The following SIRT3 variants were observed in gnomAD, a reference collection of about 807,000 sequenced individuals.
The protein encoded by SIRT3 is sirtuin 3, also known as NAD-dependent protein deacetylase sirtuin-3, mitochondrial.
A neutral mutation model predicts 33.5 loss-of-function variants in SIRT3; 26 were observed. The ratio of observed to expected loss-of-function variants is 0.78; its 90% CI spans 0.57 to 1.08. SIRT3 has a LOEUF of 1.08. Among genes scored for constraint, SIRT3 ranks in the 50% least tolerant of loss-of-function variants. The pLI is 0.00. For missense variants in SIRT3, 585 were observed against 530.1 expected, an observed-to-expected ratio of 1.10 and a Z score of -1.02; for synonymous variants, 237 against 222.1, an observed-to-expected ratio of 1.07 and a Z score of -0.60.
chr11:235,740 ATATACT>A (rs571805196), intron 1 of SIRT3, among the ~76,000 whole-genome samples: 3 of 152,334 alleles, frequency 2.0e-5, no homozygotes, highest in Admixed American at 2.0e-4. Context: ...CGTTAAATGC[ATATACT>A]TTTGGACCTA....
chr11:224,163 C>T lies in SIRT3; in HGVS notation c.884G>A (p.Gly295Glu), dbSNP rs1564808477. 3 of 1,614,210 alleles carry T rather than the reference C, an allele frequency of 1.9e-6. No individual in the cohort carries two copies. The highest frequency in any genetic ancestry group is 1.1e-5 in the South Asian group (1 of 91,082). The change falls in exon 5 of 7, where the codon GGG becomes GAG. Residue 295 changes from glycine to glutamate, a missense_variant. Gly to Glu is a moderately conservative substitution (Grantham distance 98). Transcript: ENST00000382743. ...CAAGAACCTCTGGGGCAGCGGCTCC[C>T]CAAAGAACACAATGTCGGGCTTCAC... ...GVVKPDIVFF[G>E]EPLPQRFLLH... is the part of the protein sequence containing the mutation.
rs920634667 is a variant in SIRT3 at position 216,335 on chromosome 11, T to C, written c.*363A>G. 8.3e-6 allele frequency: 2 copies of C among 239,866 alleles called. No homozygotes were observed. Among genetic ancestry groups the C allele is most frequent in the Non-Finnish European group, 8.1e-6 (1 of 123,340 alleles). 14.9% of individuals were successfully genotyped at this position (239,866 alleles called of 1,614,324 possible). On this transcript the variant is annotated 3_prime_UTR_variant, in exon 7 of 7. Coordinates refer to ENST00000382743, the MANE Select transcript of SIRT3 (RefSeq NM_012239.6). ...AACCAACAGATGCCGAGCTTGCCGTTCAACTAGGCACAGAAAGCAGACTCG... is the reference window on the plus strand; with the variant it reads ...AACCAACAGATGCCGAGCTTGCCGTCCAACTAGGCACAGAAAGCAGACTCG...
intron 4 of SIRT3, among the ~76,000 whole-genome samples, chr11:226,978 C>G (rs1857266339): frequency 6.6e-6 from 1 of 151,446 alleles, no homozygotes; most frequent in Non-Finnish European, 1.5e-5. Context: ...GTCTCAAACT[C>G]CTGACCTCAG....
chr11:233,102 G>A lies in SIRT3; in HGVS notation c.587C>T (p.Ala196Val), dbSNP rs1311112391. The change falls in exon 3 of 7, where the codon GCC becomes GTC. Residue 196 changes from alanine to valine, a missense_variant. Coordinates refer to ENST00000382743, the MANE Select transcript of SIRT3 (RefSeq NM_012239.6). The stretch of plus-strand genomic sequence containing the variant: ...GTAGTTTCCAGGGTACAGCTCCTTG[G>A]CCAAAGTGAAAAAGGGCTTGGGGTT... The part of the protein sequence containing the change: ...FHNPKPFFTL[A>V]KELYPGNYKP... The A allele has an allele frequency of 6.2e-7, 1 of 1,614,142 alleles. No individual in the cohort carries two copies. Among genetic ancestry groups the A allele is most frequent in the Non-Finnish European group, 8.5e-7 (1 of 1,180,040 alleles).
intron 1 of SIRT3, 50 bp downstream of exon 1, chr11:235,998 G>C (rs201101128): frequency 2.6e-5 from 36 of 1,411,408 alleles, no homozygotes; most frequent in Non-Finnish European, 3.3e-5. Context: ...AAGAGTGGGC[G>C]AGGTGTCGAC....
chr11:236,344 A>G, upstream of SIRT3: 1 of 1,349,824 alleles, frequency 7.4e-7, no homozygotes, highest in Non-Finnish European at 9.5e-7. Flanking sequence ...GCGCAGTCCA[A>G]GGAGTCCTCC....
intron 3 of SIRT3, among the ~76,000 whole-genome samples, chr11:232,280 G>A (rs565058917): frequency 6.6e-6 from 1 of 151,878 alleles, no homozygotes; most frequent in South Asian, 2.1e-4. Flanking sequence ...ACCACGCCTG[G>A]CTAATTTTTT....
chr11:230,388 AC>A, intron 4 of SIRT3, 63 bp downstream of exon 4: 1 of 919,586 alleles, frequency 1.1e-6, no homozygotes, highest in South Asian at 2.9e-5. Flanking sequence ...CTTATAAAAT[AC>A]CACTTTTCCA....
intron 1 of SIRT3, among the ~76,000 whole-genome samples, chr11:234,482 T>C (rs1352592468): frequency 3.9e-5 from 6 of 152,162 alleles, no homozygotes; most frequent in Non-Finnish European, 7.3e-5. Flanking sequence ...TGTCGCGATC[T>C]CGGCTCACTG....
Position 223,619 on chromosome 11 carries a change from C to T in SIRT3, c.969+459G>A, listed in dbSNP as rs1856728801. 2.1e-6 allele frequency: 1 copy of T among 476,894 alleles called. No individual in the cohort carries two copies. The allele number at this position is 476,894 out of a possible 1,614,324, so 29.5% of individuals were successfully genotyped here. On this transcript the variant is annotated intron_variant, in intron 5 of 6. Transcript: ENST00000382743. This position sits in a 1 kb window ranked among gnomAD's most constrained non-coding sequence, Gnocchi z 4.8. ...TGCCCCTCCACCTCGCCCCCACACC[C>T]CCATCCTTCTCCCTTCTCCTCACAC...
chr11:224,629 C>G (rs149918151), intron 4 of SIRT3, among the ~76,000 whole-genome samples: 83 of 152,288 alleles, frequency 5.5e-4, no homozygotes, highest in Non-Finnish European at 7.6e-4. Context: ...TGGCCTACAC[C>G]GAACACTATT....
chr11:233,227 G>C lies in SIRT3; in HGVS notation c.474-12C>G. The C allele has an allele frequency of 6.2e-7, 1 of 1,611,540 alleles. No homozygotes were observed. Among genetic ancestry groups the C allele is most frequent in the Non-Finnish European group, 8.5e-7 (1 of 1,178,278 alleles). Reference sequence around the variant, plus strand: ...CACTCCCCGGCGATCTGCAGGGAGAGAAGAAAGGCTCTGAGGCCTTTGGAA... The same window carrying C: ...CACTCCCCGGCGATCTGCAGGGAGACAAGAAAGGCTCTGAGGCCTTTGGAA... On this transcript the variant is annotated splice_polypyrimidine_tract_variant and intron_variant, in intron 2 of 6. Transcript: ENST00000382743.
intron 3 of SIRT3, among the ~76,000 whole-genome samples, chr11:232,060 C>T (rs1195863340): frequency 6.6e-6 from 1 of 152,028 alleles, no homozygotes; most frequent in African/African-American, 2.4e-5. Flanking sequence ...TAAGGAATTA[C>T]TAGTGATTCT....
At chr11:235,928 C>T (rs1370818353) in intron 1 of SIRT3, 120 bp downstream of exon 1, 7 of 1,116,760 alleles carry the variant, frequency 6.3e-6, no homozygotes, top group East Asian at 2.9e-5. Flanking sequence ...ACGGAGGCCC[C>T]GGTGTTGGAA....
rs938492119 is a variant in SIRT3 at position 223,100 on chromosome 11, G to C, written c.969+978C>G. On this transcript the variant is annotated intron_variant, in intron 5 of 6. Transcript: ENST00000382743. The surrounding 1 kb of genome is among the most constrained non-coding windows in gnomAD (Gnocchi z 4.8). Reference sequence around the variant, plus strand: ...GCTGCCCTGGGCCCCTCTGAGCACAGGTCTTTCTGGCCCTTCTGTCCTCGG... The same window carrying C: ...GCTGCCCTGGGCCCCTCTGAGCACACGTCTTTCTGGCCCTTCTGTCCTCGG... 3.3e-5 allele frequency: 5 copies of C among 153,650 alleles called. No homozygotes were observed. Among genetic ancestry groups the C allele is most frequent in the Non-Finnish European group, 1.4e-5 (1 of 69,194 alleles). 9.5% of individuals were successfully genotyped at this position (153,650 alleles called of 1,614,324 possible).
At position 229,439 on chromosome 11, in the gene SIRT3, C is replaced by T. The variant is rs117629395; in HGVS notation, c.807+1013G>A. On this transcript the variant is annotated intron_variant, in intron 4 of 6. Transcript: ENST00000382743. ...CAGCCTGGTGATAAGAGCTAGACTC[C>T]GTCTCAAAACAAACAAACAAAAAAG... Among the ~76,000 whole-genome samples, 1,105 of 148,004 alleles carry T rather than the reference C, an allele frequency of 7.5e-3. 19 individuals are homozygous for T. The East Asian group carries it at 0.078, about 10-fold the overall frequency.
intron 1 of SIRT3, chr11:234,037 A>G (rs901127824): frequency 6.5e-6 from 1 of 153,210 alleles, no homozygotes; most frequent in Non-Finnish European, 1.5e-5. Context: ...AATGAAAGTT[A>G]TTATTGCTGT....
At chr11:236,468 C>T, upstream of SIRT3, 1 of 450,984 alleles carries the variant, frequency 2.2e-6, no homozygotes, top group Non-Finnish European at 2.9e-6. Flanking sequence ...GGTCCCGCCT[C>T]CGCGCCCCGC....
chr11:225,282 C>T (rs963271513), intron 4 of SIRT3, among the ~76,000 whole-genome samples: 5 of 151,958 alleles, frequency 3.3e-5, no homozygotes, highest in African/African-American at 9.7e-5. Flanking sequence ...CGTGGTGATG[C>T]GTGCCTGTAA....
Sources: gnomAD v4.1 joint callset for allele counts (sites outside exome capture counted in the v4.1 genomes callset) on GRCh38, gnomAD v4.1.1 for gene constraint, Gnocchi (gnomAD v3.1) non-coding constraint, MANE v1.5 for transcripts, NCBI Gene and HGNC (gene_info 2026-07-23, HGNC 2026-07-21) for gene names.